POU6F2: variants seen among roughly 807,000 people sequenced by gnomAD.
The protein encoded by POU6F2 is POU class 6 homeobox 2.
A neutral mutation model predicts 71.3 loss-of-function variants in POU6F2; 31 were observed. The ratio of observed to expected loss-of-function variants is 0.43; its 90% CI spans 0.33 to 0.59. The LOEUF (loss-of-function observed/expected upper bound fraction) is 0.59. POU6F2 is among the 20% of genes least tolerant of loss of function. The probability of loss-of-function intolerance (pLI) is 0.04; values close to 1 mark genes in which losing one functional copy is unlikely to be tolerated. For synonymous variants in POU6F2, 347 were observed against 355.7 expected, an observed-to-expected ratio of 0.98 and a Z score of 0.27; for missense variants, 783 against 856.8, an observed-to-expected ratio of 0.91 and a Z score of 1.07.
At chr7:39,434,381 T>C (rs893100746) in intron 7 of POU6F2, among the ~76,000 whole-genome samples, 2 of 152,126 alleles carry the variant, frequency 1.3e-5, no homozygotes, top group Non-Finnish European at 2.9e-5. Flanking sequence ...ATATCATCTT[T>C]GTGCCCCTGT....
chr7:39,121,447 A>G, intron 2 of POU6F2, among the ~76,000 whole-genome samples: 1 of 152,226 alleles, frequency 6.6e-6, no homozygotes, highest in African/African-American at 2.4e-5. Context: ...TGGCACAATT[A>G]AGAATGGCAG....
At chr7:39,206,044 G>C (rs559633759) in intron 3 of POU6F2, among the ~76,000 whole-genome samples, 1 of 152,296 alleles carries the variant, frequency 6.6e-6, no homozygotes, top group Admixed American at 6.5e-5. Flanking sequence ...TAACCTCTCT[G>C]TATCTCATTG....
At chr7:39,164,725 C>A (rs575418590) in intron 2 of POU6F2, among the ~76,000 whole-genome samples, 1 of 151,540 alleles carries the variant, frequency 6.6e-6, no homozygotes, top group East Asian at 2.0e-4. Flanking sequence ...CACATGTGAG[C>A]GAAGGAAAGG....
intron 8 of POU6F2, among the ~76,000 whole-genome samples, chr7:39,454,713 TATATATATATATATAA>T (rs1788756540): frequency 2.6e-5 from 2 of 76,734 alleles, no homozygotes; most frequent in Non-Finnish European, 5.6e-5. Flanking sequence ...TATATATATA[TATATATATATATATAA>T]AATAAGATAT....
chr7:39,098,466 A>AC (rs1554318539), intron 2 of POU6F2, among the ~76,000 whole-genome samples: 4 of 149,998 alleles, frequency 2.7e-5, no homozygotes, highest in African/African-American at 7.4e-5. Context: ...TTTGCAAGAG[A>AC]GGGGGGGTCT....
intron 5 of POU6F2, among the ~76,000 whole-genome samples, chr7:39,393,088 A>C (rs1787106884): frequency 6.6e-6 from 1 of 152,170 alleles, no homozygotes; most frequent in Admixed American, 6.5e-5. Flanking sequence ...CAACAATACA[A>C]AAACTTTTTA....
At position 39,220,082 on chromosome 7, in the gene POU6F2, G is replaced by C. The variant is rs1042223485; in HGVS notation, c.598+12462G>C. On this transcript the variant is annotated intron_variant, in intron 4 of 9. Coordinates refer to ENST00000518318, the MANE Select transcript of POU6F2 (RefSeq NM_001370959.1). Reference sequence around the variant, plus strand: ...GCAGCCAAATAATTGAGAGTGAAAGGTGTCAGCACAGATGAAATATTGTAT... The same window carrying C: ...GCAGCCAAATAATTGAGAGTGAAAGCTGTCAGCACAGATGAAATATTGTAT... 4.2e-4 allele frequency among the ~76,000 whole-genome samples: 64 copies of C among 152,148 alleles called. 1 individual carries two copies. The highest frequency in any genetic ancestry group is 1.5e-3 in the African/African-American group (63 of 41,430).
chr7:39,190,417 TAAAAAAAAAAAA>T (rs57872350), intron 2 of POU6F2, among the ~76,000 whole-genome samples: 1,538 of 59,938 alleles, frequency 0.026, 38 homozygotes, highest in Non-Finnish European at 0.032. Flanking sequence ...CTCCTTTTCT[TAAAAAAAAAAAA>T]AAAAAAAAAA....
intron 2 of POU6F2, among the ~76,000 whole-genome samples, chr7:39,153,277 A>C (rs968761171): frequency 2.0e-5 from 3 of 152,082 alleles, no homozygotes; most frequent in Non-Finnish European, 4.4e-5. Context: ...CTATTGCTTT[A>C]AAAAAATAGA....
chr7:39,440,067 G>C (rs1055243210), intron 7 of POU6F2, among the ~76,000 whole-genome samples: 3 of 152,192 alleles, frequency 2.0e-5, no homozygotes, highest in Non-Finnish European at 4.4e-5. Context: ...AGTGGGATGG[G>C]CTTCCCTTTG....
chr7:39,103,451 T>G (rs1333319321), intron 2 of POU6F2, among the ~76,000 whole-genome samples: 1 of 152,154 alleles, frequency 6.6e-6, no homozygotes, highest in Non-Finnish European at 1.5e-5. Flanking sequence ...TGGCCCAAAG[T>G]AGGCAATAAA....
intron 2 of POU6F2, among the ~76,000 whole-genome samples, chr7:39,151,975 C>T (rs745955031): frequency 1.3e-5 from 2 of 152,196 alleles, no homozygotes; most frequent in Non-Finnish European, 2.9e-5. Flanking sequence ...ATCAGCGTGG[C>T]TTATCTTCTT....
intron 1 of POU6F2, among the ~76,000 whole-genome samples, chr7:38,993,440 T>C (rs1788653478): frequency 6.6e-6 from 1 of 152,150 alleles, no homozygotes; most frequent in South Asian, 2.1e-4. Context: ...TGTAACATTA[T>C]AAAGTATAAA....
chr7:39,071,878 CT>C (rs775977515), intron 1 of POU6F2, among the ~76,000 whole-genome samples: 49 of 152,008 alleles, frequency 3.2e-4, no homozygotes, highest in Non-Finnish European at 6.3e-4. Flanking sequence ...TCGGATTTTT[CT>C]GCTTATTTTA....
chr7:39,033,832 G>A (rs367857073), intron 1 of POU6F2, among the ~76,000 whole-genome samples: 4 of 152,152 alleles, frequency 2.6e-5, no homozygotes, highest in East Asian at 1.9e-4. Context: ...ATTTTTCCGC[G>A]CTAGTGGATG....
chr7:39,380,524 C>A (rs1456849299), intron 5 of POU6F2, among the ~76,000 whole-genome samples: 1 of 152,184 alleles, frequency 6.6e-6, no homozygotes, highest in Non-Finnish European at 1.5e-5. Flanking sequence ...TTCAGATTAG[C>A]ACTGCTTCTA....
chr7:39,058,825 T>C (rs1370311540), intron 1 of POU6F2, among the ~76,000 whole-genome samples: 2 of 152,172 alleles, frequency 1.3e-5, no homozygotes, highest in African/African-American at 4.8e-5. Context: ...AAATCTAAAT[T>C]GTGGGTGATT....
intron 4 of POU6F2, among the ~76,000 whole-genome samples, chr7:39,312,803 G>A (rs1338190155): frequency 6.6e-6 from 1 of 152,222 alleles, no homozygotes; most frequent in Non-Finnish European, 1.5e-5. Flanking sequence ...CAGGTGGGGA[G>A]TGGGTACAAT....
intron 1 of POU6F2, among the ~76,000 whole-genome samples, chr7:39,026,509 C>G (rs1789804836): frequency 6.6e-6 from 1 of 151,902 alleles, no homozygotes; most frequent in South Asian, 2.1e-4. Flanking sequence ...GACAAAAAAC[C>G]AAACACCGCA....
Sources: allele counts gnomAD v4.1 joint callset (sites outside exome capture counted in the v4.1 genomes callset), GRCh38; gene constraint gnomAD v4.1.1; transcripts MANE v1.5; gene names NCBI Gene and HGNC (gene_info 2026-07-23, HGNC 2026-07-21).